VRK2: variants seen among roughly 807,000 people sequenced by gnomAD.
The protein encoded by VRK2 is VRK serine/threonine kinase 2.
A neutral mutation model predicts 57.6 loss-of-function variants in VRK2; 60 were observed. The observed-to-expected ratio is 1.04, with a 90% CI of 0.85 to 1.29. VRK2 has a LOEUF of 1.29. VRK2 is among the 50% of genes most tolerant of loss of function. The pLI is 0.00. For synonymous variants in VRK2, 231 were observed against 199.2 expected (o/e 1.16, Z -1.35); for missense variants, 705 against 588.1 (o/e 1.20, Z -2.06).
At chr2:57,998,850 G>A (rs1355717923) in intron 1 of VRK2, among the ~76,000 whole-genome samples, 4 of 152,182 alleles carry the variant, frequency 2.6e-5, no homozygotes, top group Non-Finnish European at 5.9e-5. Context: ...AAATAACACA[G>A]ATGCCTTTGC....
At chr2:57,929,231 G>A (rs1670640069) in intron 1 of VRK2, among the ~76,000 whole-genome samples, 1 of 152,234 alleles carries the variant, frequency 6.6e-6, no homozygotes, top group African/African-American at 2.4e-5. Flanking sequence ...TATACCTGGT[G>A]CCTTATTCTA....
chr2:58,159,147 G>T, intron 12 of VRK2: 1 of 434,678 alleles, frequency 2.3e-6, no homozygotes, highest in Non-Finnish European at 4.1e-6. Flanking sequence ...ATTATATCCA[G>T]ATTTGCTTGT....
intron 7 of VRK2, among the ~76,000 whole-genome samples, 187 bp from the exon 8 acceptor site, chr2:58,122,914 G>A (rs1463847386): frequency 6.6e-6 from 1 of 152,126 alleles, no homozygotes; most frequent in African/African-American, 2.4e-5. Flanking sequence ...GATGAAGAAA[G>A]GATTTAAGTT....
intron 7 of VRK2, among the ~76,000 whole-genome samples, chr2:58,109,732 A>T (rs753268357): frequency 6.6e-6 from 1 of 152,198 alleles, no homozygotes; most frequent in Non-Finnish European, 1.5e-5. Context: ...GGGAATTACA[A>T]TTCAGATTAC....
At chr2:58,156,528 AT>A (rs1328660553) in intron 12 of VRK2, among the ~76,000 whole-genome samples, 2 of 151,902 alleles carry the variant, frequency 1.3e-5, no homozygotes, top group African/African-American at 4.8e-5. Context: ...CTAAATAACT[AT>A]TTTTTTAAAT....
At chr2:58,121,018 A>T (rs1012706509) in intron 7 of VRK2, among the ~76,000 whole-genome samples, 1 of 152,220 alleles carries the variant, frequency 6.6e-6, no homozygotes, top group African/African-American at 2.4e-5. Flanking sequence ...TTTTAACTTG[A>T]CTGGTACTAT....
intron 1 of VRK2, among the ~76,000 whole-genome samples, chr2:57,997,573 A>T (rs1672963379): frequency 6.6e-6 from 1 of 152,234 alleles, no homozygotes; most frequent in African/African-American, 2.4e-5. Context: ...AGATATGCTG[A>T]GTCAATAGAT....
chr2:58,159,818 A>T lies in VRK2; in HGVS notation c.*125A>T. The stretch of plus-strand genomic sequence containing the variant: ...GTAATTGGCTTTAAAAAGAGAACAT[A>T]TTTTAACAAAGTTTGTGGACACTCT... On this transcript the variant is annotated 3_prime_UTR_variant, in exon 13 of 13. Coordinates refer to ENST00000340157, the MANE Select transcript of VRK2 (RefSeq NM_006296.7). 6.2e-7 allele frequency: 1 copy of T among 1,611,888 alleles called. No homozygotes were observed. Among genetic ancestry groups the T allele is most frequent in the South Asian group, 1.1e-5 (1 of 90,832 alleles).
intron 7 of VRK2, among the ~76,000 whole-genome samples, chr2:58,096,673 T>C (rs1029699612): frequency 6.6e-6 from 1 of 151,878 alleles, no homozygotes; most frequent in Non-Finnish European, 1.5e-5. Context: ...AGTTCAATTT[T>C]GACTCATTAA....
At position 58,139,656 on chromosome 2, in the gene VRK2, T is replaced by A; in HGVS notation, c.857-10T>A. 1 of 1,602,638 alleles carries A rather than the reference T, an allele frequency of 6.2e-7. No individual in the cohort carries two copies. Among genetic ancestry groups the A allele is most frequent in the African/African-American group, 1.3e-5 (1 of 74,288 alleles). ...TGTGAATGACATGTAAAAAATTTAA[T>A]AATTCACAGGTGAAATAGCCCAATT... On this transcript the variant is annotated splice_polypyrimidine_tract_variant and intron_variant, in intron 10 of 12. Transcript: ENST00000340157.
upstream of VRK2, among the ~76,000 whole-genome samples, chr2:58,044,267 C>A (rs1674583061): frequency 6.6e-6 from 1 of 152,182 alleles, no homozygotes; most frequent in African/African-American, 2.4e-5. Flanking sequence ...ACCATCACAT[C>A]AGAGACTATC....
At chr2:58,073,946 G>T (rs1669711864) in intron 2 of VRK2, among the ~76,000 whole-genome samples, 1 of 151,960 alleles carries the variant, frequency 6.6e-6, no homozygotes, top group South Asian at 2.1e-4. Context: ...CCAGATTAAG[G>T]GTGGACCTGC....
intron 8 of VRK2, among the ~76,000 whole-genome samples, chr2:58,126,968 T>C (rs1678446313): frequency 6.6e-6 from 1 of 152,088 alleles, no homozygotes; most frequent in South Asian, 2.1e-4. Context: ...TCTCTAGAGA[T>C]ATACTGCATT....
intron 1 of VRK2, among the ~76,000 whole-genome samples, chr2:58,003,694 GCAATT>G: frequency 6.6e-6 from 1 of 152,078 alleles, no homozygotes; most frequent in East Asian, 1.9e-4. Context: ...ATTCTCAAAA[GCAATT>G]GTTTCTACAA....
intron 3 of VRK2, 138 bp from the exon 4 acceptor site, chr2:58,084,743 G>T: frequency 1.9e-6 from 1 of 524,694 alleles, no homozygotes. Flanking sequence ...GTGGAAATCT[G>T]GTGCCTATGT....
chr2:57,933,013 G>A (rs1670781117), intron 1 of VRK2, among the ~76,000 whole-genome samples: 1 of 151,746 alleles, frequency 6.6e-6, no homozygotes, highest in African/African-American at 2.4e-5. Flanking sequence ...TTCTAGTTTT[G>A]TATTTTTATT....
intron 1 of VRK2, among the ~76,000 whole-genome samples, chr2:57,995,414 C>T (rs1438707160): frequency 1.3e-5 from 2 of 152,138 alleles, no homozygotes; most frequent in African/African-American, 2.4e-5. Flanking sequence ...TATTTTTTCT[C>T]GAAAGCTCAA....
rs578235200 is a variant in VRK2 at position 58,073,415 on chromosome 2, G to A, written c.137-10674G>A. On this transcript the variant is annotated intron_variant, in intron 2 of 12. Coordinates refer to ENST00000340157, the MANE Select transcript of VRK2 (RefSeq NM_006296.7). ...CTGATGGAAGTGTGTTTAAGTCTCC[G>A]GCTATAACAGTGGATTTGTCTGTTT... 1.3e-4 allele frequency among the ~76,000 whole-genome samples: 20 copies of A among 151,880 alleles called. No homozygotes were observed. The South Asian group carries it at 2.7e-3, about 20-fold the overall frequency.
At chr2:58,156,896 TGTA>T (rs932926513) in intron 12 of VRK2, among the ~76,000 whole-genome samples, 2 of 152,232 alleles carry the variant, frequency 1.3e-5, no homozygotes, top group African/African-American at 4.8e-5. Context: ...GCATCTCATT[TGTA>T]GTAGTTTTAT....
Sources: gnomAD v4.1 joint callset for allele counts (sites outside exome capture counted in the v4.1 genomes callset) on GRCh38, gnomAD v4.1.1 for gene constraint, MANE v1.5 for transcripts, NCBI Gene and HGNC (gene_info 2026-07-23, HGNC 2026-07-21) for gene names.